The following FAP variants were observed in gnomAD, a reference collection of about 807,000 sequenced individuals.
The protein encoded by FAP is prolyl endopeptidase FAP.
FAP carries 110 observed loss-of-function variants against 126.5 expected under a neutral mutation model. That is an observed-to-expected ratio of 0.87 (90% CI 0.74 to 1.02). The LOEUF is 1.02. Among genes scored for constraint, FAP ranks in the 50% least tolerant of loss-of-function variants. The pLI is 0.00. For synonymous variants in FAP, 334 were observed against 297.3 expected (o/e 1.12, Z -1.27); for missense variants, 919 against 909.2 (o/e 1.01, Z -0.14).
chr2:162,197,732 C>A, intron 16 of FAP: 1 of 440,334 alleles, frequency 2.3e-6, no homozygotes, highest in South Asian at 1.6e-5. Flanking sequence ...ATCTTCAGGG[C>A]CTCTGCAACT....
At chr2:162,223,710 T>G in intron 5 of FAP, 50 bp from the exon 6 acceptor site, 1 of 1,186,438 alleles carries the variant, frequency 8.4e-7, no homozygotes, top group Non-Finnish European at 1.3e-6. Flanking sequence ...TTAAAAAGCT[T>G]ATATCAATAA....
At chr2:162,171,888 C>A (rs1174908501) in intron 25 of FAP, 1 of 151,998 alleles carries the variant, frequency 6.6e-6, no homozygotes, top group Non-Finnish European at 1.5e-5. Flanking sequence ...ATACCCATCA[C>A]CTCAAACAAA....
At chr2:162,242,211 G>A (rs1690381729) in intron 2 of FAP, among the ~76,000 whole-genome samples, 1 of 151,882 alleles carries the variant, frequency 6.6e-6, no homozygotes, top group Non-Finnish European at 1.5e-5. Context: ...AATATCACTA[G>A]ATTATCTATC....
chr2:162,228,141 C>G (rs1576192964), intron 2 of FAP, among the ~76,000 whole-genome samples: 2 of 152,208 alleles, frequency 1.3e-5, no homozygotes, highest in Admixed American at 1.3e-4. Flanking sequence ...AGTTGTTGAA[C>G]AAATGAATGC....
intron 16 of FAP, 161 bp downstream of exon 16, chr2:162,198,596 C>A (rs1319775507): frequency 1.1e-6 from 1 of 951,830 alleles, no homozygotes; most frequent in Admixed American, 2.9e-5. Context: ...GATAATAATA[C>A]CTTCCTATCC....
rs2106227636 is a variant in FAP, at chr2:162,189,008, TA to T, written c.1619+94del. ...TAAAAACAGCATCAATAGGCACTGTTACCAAGGAGAATGGTTCATTCTATTT... is the reference window on the plus strand; with the variant it reads ...TAAAAACAGCATCAATAGGCACTGTTCCAAGGAGAATGGTTCATTCTATTT... On this transcript the variant is annotated intron_variant, in intron 19 of 25. Coordinates refer to ENST00000188790, the MANE Select transcript of FAP (RefSeq NM_004460.5). The T allele has an allele frequency of 1.0e-5, 7 of 690,956 alleles. No homozygotes were observed. The South Asian group carries it at 1.8e-4, about 17-fold the overall frequency. 42.8% of individuals were successfully genotyped at this position (690,956 alleles called of 1,614,324 possible).
At chr2:162,200,409 G>T (rs1243758267) in intron 15 of FAP, among the ~76,000 whole-genome samples, 157 bp downstream of exon 15, 1 of 140,366 alleles carries the variant, frequency 7.1e-6, no homozygotes, top group Non-Finnish European at 1.5e-5. Context: ...GCGAGTGTGT[G>T]TTTTTTATAC....
chr2:162,188,690 T>C (rs1687937115), intron 19 of FAP, among the ~76,000 whole-genome samples: 1 of 152,090 alleles, frequency 6.6e-6, no homozygotes. Context: ...AAATGCATGG[T>C]GTTTTAAGCA....
chr2:162,214,139 A>C (rs1689071842), intron 10 of FAP, 66 bp from the exon 11 acceptor site: 12 of 1,538,916 alleles, frequency 7.8e-6, no homozygotes, highest in Admixed American at 1.8e-5. Flanking sequence ...TAATTTCTTA[A>C]TTTTTGTTTT....
At chr2:162,207,987 G>T (rs1688776813) in intron 12 of FAP, among the ~76,000 whole-genome samples, 1 of 152,010 alleles carries the variant, frequency 6.6e-6, no homozygotes, top group Admixed American at 6.5e-5. Context: ...GCCAGGGGCG[G>T]TGGCTCATGC....
chr2:162,198,788 G>A lies in FAP; in HGVS notation c.1371C>T (p.Asp457=). 6.2e-7 allele frequency: 1 copy of A among 1,614,122 alleles called. No homozygotes were observed. Among genetic ancestry groups the A allele is most frequent in the Non-Finnish European group, 8.5e-7 (1 of 1,179,972 alleles). ...RCQYYTASFS[D]YAKYYALVCY... ...AGACAAGTGCATAGTACTTGGCGTA[G>A]TCGCTGAAACTTGCTGTGTAATATT... The change falls in exon 16 of 26, where the codon GAC becomes GAT. Residue 457 remains aspartate (D), a synonymous_variant. Coordinates refer to ENST00000188790, the MANE Select transcript of FAP (RefSeq NM_004460.5).
chr2:162,196,352 C>G (rs1688250845), intron 16 of FAP, among the ~76,000 whole-genome samples: 1 of 152,008 alleles, frequency 6.6e-6, no homozygotes, highest in African/African-American at 2.4e-5. Context: ...TTCATTTTGG[C>G]CAGTTTTTCA....
At chr2:162,172,613 G>A (rs555637282) in intron 25 of FAP, 198 bp downstream of exon 25, 5 of 532,448 alleles carry the variant, frequency 9.4e-6, no homozygotes, top group East Asian at 2.9e-5. Flanking sequence ...CTGGGAACAC[G>A]AGAGGTGATC....
At chr2:162,190,551 G>A (rs530252737) in intron 17 of FAP, among the ~76,000 whole-genome samples, 1 of 152,070 alleles carries the variant, frequency 6.6e-6, no homozygotes, top group East Asian at 1.9e-4. Flanking sequence ...TCTGTAGATT[G>A]GTAATACATG....
intron 20 of FAP, among the ~76,000 whole-genome samples, chr2:162,186,000 C>A (rs902869014): frequency 1.3e-5 from 2 of 152,144 alleles, no homozygotes; most frequent in African/African-American, 2.4e-5. Context: ...TGGCTGTCAT[C>A]TCCACTGTTG....
intron 5 of FAP, among the ~76,000 whole-genome samples, chr2:162,224,233 T>G (rs1689535750): frequency 6.6e-6 from 1 of 152,214 alleles, no homozygotes; most frequent in African/African-American, 2.4e-5. Flanking sequence ...ATGTTTGTGC[T>G]GTTGTTAATA....
chr2:162,173,698 A>G, intron 23 of FAP, 25 bp downstream of exon 23: 2 of 1,447,328 alleles, frequency 1.4e-6, no homozygotes, highest in Non-Finnish European at 1.9e-6. Context: ...TTAATTATTA[A>G]CCTAAATAAA....
intron 17 of FAP, 48 bp from the exon 18 acceptor site, chr2:162,189,802 C>A: frequency 8.9e-7 from 1 of 1,121,324 alleles, no homozygotes; most frequent in Non-Finnish European, 1.3e-6. Flanking sequence ...TTTCCATAAA[C>A]AATTTTTTTC....
At chr2:162,224,613 G>A in intron 4 of FAP, 73 bp from the exon 5 acceptor site, 3 of 891,864 alleles carry the variant, frequency 3.4e-6, no homozygotes, top group South Asian at 1.6e-5. Flanking sequence ...AGTTTTAAAA[G>A]AATATTATAT....
Sources: allele counts gnomAD v4.1 joint callset (sites outside exome capture counted in the v4.1 genomes callset), GRCh38; gene constraint gnomAD v4.1.1; transcripts MANE v1.5; gene names NCBI Gene and HGNC (gene_info 2026-07-23, HGNC 2026-07-21).